SSR3: variants seen among roughly 807,000 people sequenced by gnomAD.
SSR3 encodes the protein signal sequence receptor subunit 3.
SSR3 carries 10 observed loss-of-function variants against 22.1 expected under a neutral mutation model. The observed-to-expected ratio is 0.45, with a 90% CI of 0.28 to 0.77. The LOEUF is 0.77. SSR3 is among the 30% of genes least tolerant of loss of function. The probability of loss-of-function intolerance (pLI) is 0.13; values close to 1 mark genes in which losing one functional copy is unlikely to be tolerated. For synonymous variants in SSR3, 104 were observed against 82.5 expected (o/e 1.26, Z -1.42); for missense variants, 181 against 220.5 (o/e 0.82, Z 1.13).
intron 1 of SSR3, chr3:156,554,101 T>C (rs966762153): frequency 4.6e-5 from 9 of 196,710 alleles, no homozygotes; most frequent in Non-Finnish European, 7.2e-5. Context: ...GGTACTAGCA[T>C]GCGAAACACA....
intron 3 of SSR3, among the ~76,000 whole-genome samples, chr3:156,546,068 A>T (rs573835403): frequency 1.3e-5 from 2 of 152,348 alleles, no homozygotes; most frequent in East Asian, 3.9e-4. Flanking sequence ...CCTAAATAAG[A>T]AGTGATATGG....
intron 1 of SSR3, 143 bp from the exon 2 acceptor site, chr3:156,553,924 T>G: frequency 1.3e-6 from 1 of 747,310 alleles, no homozygotes; most frequent in Non-Finnish European, 2.0e-6. Context: ...CTGAGGATCT[T>G]CAGAAGCGAG....
intron 2 of SSR3, among the ~76,000 whole-genome samples, chr3:156,551,197 G>A (rs1294973999): frequency 6.6e-6 from 1 of 152,070 alleles, no homozygotes; most frequent in African/African-American, 2.4e-5. Context: ...AAATTTTACT[G>A]AACTAAATGT....
intron 2 of SSR3, 182 bp from the exon 3 acceptor site, chr3:156,549,185 C>T (rs985808602): frequency 5.0e-5 from 25 of 498,576 alleles, no homozygotes; most frequent in Admixed American, 1.5e-4. Flanking sequence ...AAGAGAAGTT[C>T]GAGAAATGTC....
At chr3:156,549,127 AAAG>A (rs1301812983) in intron 2 of SSR3, 124 bp from the exon 3 acceptor site, 3 of 1,026,946 alleles carry the variant, frequency 2.9e-6, no homozygotes, top group South Asian at 2.1e-5. Flanking sequence ...CATTTCAAGA[AAAG>A]AAGCTGAGCA....
Position 156,539,593 on chromosome 3 carries a change from C to A in SSR3, c.*3610G>T, listed in dbSNP as rs1379367516. 1.3e-5 allele frequency among the ~76,000 whole-genome samples: 2 copies of A among 152,100 alleles called. No homozygotes were observed. Among genetic ancestry groups the A allele is most frequent in the Non-Finnish European group, 2.9e-5 (2 of 68,012 alleles). ...TATATTGAAAATTCATGAAGGCCAA[C>A]GAGAAGTTAGCCTCTATCGCCCTGA... On this transcript the variant is annotated 3_prime_UTR_variant, in exon 5 of 5. Coordinates refer to ENST00000265044, the MANE Select transcript of SSR3 (RefSeq NM_007107.5).
At chr3:156,552,682 A>G (rs1720005585) in intron 2 of SSR3, among the ~76,000 whole-genome samples, 1 of 152,206 alleles carries the variant, frequency 6.6e-6, no homozygotes, top group Admixed American at 6.5e-5. Flanking sequence ...CCATCAAGGA[A>G]GGAGGGAAAT....
intron 3 of SSR3, among the ~76,000 whole-genome samples, chr3:156,547,218 T>A (rs1183111582): frequency 2.0e-5 from 3 of 152,158 alleles, no homozygotes; most frequent in African/African-American, 7.2e-5. Flanking sequence ...AAATACCTAA[T>A]CCAGCAAATG....
chr3:156,546,187 C>T (rs2108446894), intron 3 of SSR3, among the ~76,000 whole-genome samples: 1 of 152,284 alleles, frequency 6.6e-6, no homozygotes, highest in South Asian at 2.1e-4. Flanking sequence ...TCCCCCATGC[C>T]ACTCTCGTGA....
At chr3:156,546,029 G>A (rs758212663) in intron 3 of SSR3, among the ~76,000 whole-genome samples, 11 of 152,208 alleles carry the variant, frequency 7.2e-5, no homozygotes, top group Admixed American at 1.3e-4. Flanking sequence ...GCATCACAGT[G>A]CTTCTCCTTA....
At chr3:156,549,685 T>C (rs928895422) in intron 2 of SSR3, among the ~76,000 whole-genome samples, 4 of 152,204 alleles carry the variant, frequency 2.6e-5, no homozygotes, top group African/African-American at 7.2e-5. Context: ...AGAATTGACA[T>C]TGTTATTAAT....
chr3:156,550,750 C>T (rs1489958668), intron 2 of SSR3, among the ~76,000 whole-genome samples: 1 of 152,152 alleles, frequency 6.6e-6, no homozygotes, highest in Non-Finnish European at 1.5e-5. Flanking sequence ...TAAATTATGC[C>T]ACGTTAAAAA....
intron 3 of SSR3, among the ~76,000 whole-genome samples, chr3:156,546,893 C>T (rs1374456948): frequency 1.3e-5 from 2 of 152,146 alleles, no homozygotes; most frequent in Admixed American, 6.5e-5. Context: ...TTTTAAGCGG[C>T]ATGGAGTATA....
intron 3 of SSR3, among the ~76,000 whole-genome samples, chr3:156,545,403 T>C (rs1202492035): frequency 2.0e-5 from 3 of 152,226 alleles, no homozygotes; most frequent in Non-Finnish European, 4.4e-5. Context: ...TATTTTTTAC[T>C]GTAGGTCATT....
In SSR3 at chr3:156,544,328, C is replaced by T. The variant is rs376357117; in HGVS notation, c.471G>A (p.Leu157=). The T allele has an allele frequency of 3.8e-6, 6 of 1,591,500 alleles. No homozygotes were observed. The highest frequency in any genetic ancestry group is 1.2e-5 in the South Asian group (1 of 85,936). ...VVVIVASFFI[L]KNFNPTVNYI... ...GATACACTGTGGGGTTGAAGTTCTT[C>T]AATATGAAGAAGGAAGCAACAATGA... Residue 157 remains leucine, a synonymous_variant, in exon 4 of 5, where the codon TTG becomes TTA. Coordinates refer to ENST00000265044, the MANE Select transcript of SSR3 (RefSeq NM_007107.5).
intron 3 of SSR3, among the ~76,000 whole-genome samples, chr3:156,546,436 C>G (rs1269765638): frequency 1.3e-5 from 2 of 152,116 alleles, no homozygotes; most frequent in African/African-American, 4.8e-5. Flanking sequence ...ATACAAGAAC[C>G]ATTTTCAAAA....
intron 3 of SSR3, among the ~76,000 whole-genome samples, chr3:156,547,407 A>C (rs1719804628): frequency 6.6e-6 from 1 of 152,124 alleles, no homozygotes; most frequent in African/African-American, 2.4e-5. Flanking sequence ...ATCACTGAAA[A>C]CCTTTAAAAG....
intron 2 of SSR3, 149 bp downstream of exon 2, chr3:156,553,506 T>TCCCCG: frequency 1.3e-6 from 1 of 760,146 alleles, no homozygotes; most frequent in East Asian, 3.0e-5. Context: ...TAATTCTTCC[T>TCCCCG]AGCATCAATG....
intron 2 of SSR3, among the ~76,000 whole-genome samples, chr3:156,551,716 A>G (rs756562811): frequency 3.9e-5 from 6 of 152,230 alleles, no homozygotes; most frequent in Non-Finnish European, 8.8e-5. Flanking sequence ...TCTATTCCTC[A>G]TTCCCCGAAA....
Sources: gnomAD v4.1 joint callset for allele counts (sites outside exome capture counted in the v4.1 genomes callset) on GRCh38, gnomAD v4.1.1 for gene constraint, MANE v1.5 for transcripts, NCBI Gene and HGNC (gene_info 2026-07-23, HGNC 2026-07-21) for gene names.